UBN1: variants seen among roughly 807,000 people sequenced by gnomAD.
UBN1 encodes the protein ubinuclein 1, also known as ubinuclein-1.
Under a neutral mutation model 108.5 loss-of-function variants are expected in UBN1, and 17 were observed. That is an observed-to-expected ratio of 0.16 (90% CI 0.11 to 0.24). The LOEUF (loss-of-function observed/expected upper bound fraction) is 0.24, where lower values mean the gene tolerates loss of function less well. Among genes scored for constraint, UBN1 ranks in the 10% least tolerant of loss-of-function variants. UBN1 has a pLI of 1.00. For missense variants in UBN1, 1,595 were observed against 1,394.4 expected (o/e 1.14, Z -2.29); for synonymous variants, 726 against 564.2 (o/e 1.29, Z -4.07).
chr16:4,868,876 C>G lies in UBN1; in HGVS notation c.1154C>G (p.Thr385Ser), dbSNP rs147850419. 4.3e-6 allele frequency: 7 copies of G among 1,613,892 alleles called. No homozygotes were observed. The highest frequency in any genetic ancestry group is 1.7e-4 in the Middle Eastern group (1 of 6,052). ...AEGESRQKFF[T>S]QDINGILLDI... ...GGGGAGAGCAGACAGAAGTTCTTCA[C>G]CCAGGATATTAATGGAATCCTATTA... The change falls in exon 8 of 18, where the codon ACC becomes AGC. Residue 385 changes from threonine to serine, a missense_variant. By Grantham distance (58) the Thr-to-Ser change is moderately conservative. Around this residue, in one of 3 missense-constraint regions of UBN1, gnomAD observed 1,398 missense variants for 1,194.7 expected, o/e 1.17. Coordinates refer to ENST00000262376, the MANE Select transcript of UBN1 (RefSeq NM_001079514.3).
chr16:4,862,424 T>C (rs544086391), intron 7 of UBN1, among the ~76,000 whole-genome samples: 7 of 152,202 alleles, frequency 4.6e-5, no homozygotes, highest in Non-Finnish European at 7.4e-5. Context: ...AATTGTACCA[T>C]GTTGGGGTTT....
Position 4,877,179 on chromosome 16 carries a change from G to T in UBN1, c.3265+68G>T. ...GATTGTGGCCAGGGGTCCTGCTGTT[G>T]TGTACTCTGGTTCCTGTGTTTGAGT... On this transcript the variant is annotated intron_variant, in intron 16 of 17. Coordinates refer to ENST00000262376, the MANE Select transcript of UBN1 (RefSeq NM_001079514.3). The surrounding 1 kb of genome is among the most constrained non-coding windows in gnomAD (Gnocchi z 4.3). 6.5e-7 allele frequency: 1 copy of T among 1,537,280 alleles called. No homozygotes were observed. The highest frequency in any genetic ancestry group is 8.7e-7 in the Non-Finnish European group (1 of 1,146,398).
In UBN1 at chr16:4,873,070, G is replaced by A. The variant is rs1167865587; in HGVS notation, c.1797G>A (p.Val599=). 17 of 1,614,070 alleles carry A rather than the reference G, an allele frequency of 1.1e-5. No individual in the cohort carries two copies. Among genetic ancestry groups the A allele is most frequent in the Non-Finnish European group, 1.4e-5 (16 of 1,180,046 alleles). ...KKVMAPSKIK[V]KESSTKPDKK... is the part of the protein sequence containing the mutation. ...TTATGGCCCCTTCTAAAATCAAGGT[G>A]AAGGTGAGTCAGTTTGCTCGGGTCA... Residue 599 remains valine (V), a synonymous_variant, in exon 14 of 18, where the codon GTG becomes GTA. Transcript: ENST00000262376.
rs150222115 is a variant in UBN1 at position 4,875,274 on chromosome 16, G to A, written c.2864G>A (p.Gly955Glu). Residue 955 changes from glycine (G) to glutamate (E), a missense_variant, in exon 15 of 18, where the codon GGG becomes GAG. Transcript: ENST00000262376. ...ATSRPVPSSAGKKMPVSQKLT... is the reference protein window; with the variant it reads ...ATSRPVPSSAEKKMPVSQKLT... ...AGCCGACCCGTCCCAAGTTCAGCAGGGAAAAAAATGCCTGTTTCCCAGAAG... is the reference window on the plus strand; with the variant it reads ...AGCCGACCCGTCCCAAGTTCAGCAGAGAAAAAAATGCCTGTTTCCCAGAAG... The A allele has an allele frequency of 2.5e-6, 4 of 1,614,194 alleles. No individual in the cohort carries two copies. The East Asian group carries it at 6.7e-5, about 27-fold the overall frequency.
At chr16:4,855,648 G>A (rs2142136939) in intron 2 of UBN1, among the ~76,000 whole-genome samples, 1 of 150,862 alleles carries the variant, frequency 6.6e-6, no homozygotes, top group South Asian at 2.1e-4. Context: ...GCCTGGCGCA[G>A]TGACTCATGC....
At chr16:4,861,238 A>C (rs1395602) in intron 7 of UBN1, 136 bp downstream of exon 7, 483,663 of 976,392 alleles carry the variant, frequency 0.5, 123,017 homozygotes, top group African/African-American at 0.69. Context: ...TCCAAACCCT[A>C]TTCTCATCCT....
chr16:4,865,078 GTTAAC>G (rs1282383912), intron 7 of UBN1, among the ~76,000 whole-genome samples: 20 of 152,148 alleles, frequency 1.3e-4, no homozygotes, highest in African/African-American at 4.3e-4. Context: ...TCATTTACTA[GTTAAC>G]TTAGGATTGA....
chr16:4,849,648 G>C lies in UBN1; in HGVS notation c.-40+1438G>C, dbSNP rs576492437. ...CTCTTGTCGCCCAGGCTGGAGTGCA[G>C]TGGCAGGATCACGGCTCACTGCAGC... On this transcript the variant is annotated intron_variant, in intron 1 of 17. Transcript: ENST00000262376. Among the ~76,000 whole-genome samples, 8 of 151,758 alleles carry C rather than the reference G, an allele frequency of 5.3e-5. No homozygotes were observed. The South Asian group carries it at 1.7e-3, about 32-fold the overall frequency.
At chr16:4,849,951 A>AAAAAAAAAC (rs1166250619) in intron 1 of UBN1, among the ~76,000 whole-genome samples, 3 of 146,988 alleles carry the variant, frequency 2.0e-5, no homozygotes, top group Non-Finnish European at 4.5e-5. Flanking sequence ...CTGTCTCACA[A>AAAAAAAAAC]AAAAAAAAAA....
Position 4,877,371 on chromosome 16 carries a change from C to G in UBN1, c.3266-14C>G, listed in dbSNP as rs753729860. The stretch of plus-strand genomic sequence containing the variant: ...GTGTGTTTTGTTCTTTTCTCCCCTC[C>G]TGTTTTCTCTCAGGTCTTCTGGCTG... On this transcript the variant is annotated splice_polypyrimidine_tract_variant and intron_variant, in intron 16 of 17. Coordinates refer to ENST00000262376, the MANE Select transcript of UBN1 (RefSeq NM_001079514.3). The surrounding 1 kb of genome is among the most constrained non-coding windows in gnomAD (Gnocchi z 4.3). 7.5e-6 allele frequency: 12 copies of G among 1,606,212 alleles called. No homozygotes were observed. Among genetic ancestry groups the G allele is most frequent in the Admixed American group, 5.1e-5 (3 of 58,770 alleles).
intron 13 of UBN1, 22 bp from the exon 14 acceptor site, chr16:4,873,009 C>G: frequency 1.2e-6 from 2 of 1,614,210 alleles, no homozygotes; most frequent in Non-Finnish European, 1.7e-6. Flanking sequence ...CTAAACTTTT[C>G]TGTGCTCATT....
rs779059450 is a variant in UBN1, at chr16:4,874,592, C to A, written c.2182C>A (p.Pro728Thr). 4.3e-6 allele frequency: 7 copies of A among 1,614,112 alleles called. No individual in the cohort carries two copies. The highest frequency in any genetic ancestry group is 5.9e-6 in the Non-Finnish European group (7 of 1,180,046). Residue 728 changes from proline (P) to threonine (T), a missense_variant, in exon 15 of 18, where the codon CCA (proline) becomes ACA (threonine). This residue lies in a region of UBN1 where 1,398 missense variants were observed against 1,194.7 expected (regional missense o/e 1.17). Transcript: ENST00000262376. ...FAKPSPSAPP[P>T]ASSLQSPLNF... ...GAAGCCTAGTCCTTCTGCTCCACCA[C>A]CAGCTAGCTCTCTGCAGTCACCCCT...
At chr16:4,871,981 G>T (rs893378316) in intron 12 of UBN1, among the ~76,000 whole-genome samples, 4 of 152,194 alleles carry the variant, frequency 2.6e-5, no homozygotes, top group Non-Finnish European at 4.4e-5. Flanking sequence ...GTCATTTGCA[G>T]GTAGCAGGGC....
intron 10 of UBN1, 101 bp downstream of exon 10, chr16:4,870,735 C>G: frequency 6.3e-7 from 1 of 1,585,372 alleles, no homozygotes; most frequent in South Asian, 1.2e-5. Context: ...CCTCTTGGCT[C>G]TTCTTTGGCC....
intron 1 of UBN1, among the ~76,000 whole-genome samples, chr16:4,850,454 A>G (rs550405836): frequency 1.3e-5 from 2 of 152,330 alleles, no homozygotes; most frequent in South Asian, 4.1e-4. Context: ...TTCCCTTCTT[A>G]TAGTGAGACT....
At chr16:4,857,915 A>T in intron 2 of UBN1, 75 bp from the exon 3 acceptor site, 2 of 1,076,078 alleles carry the variant, frequency 1.9e-6, no homozygotes, top group Non-Finnish European at 2.8e-6. Flanking sequence ...GGTATTGAGT[A>T]ATCAGTGAAG....
In UBN1 at chr16:4,875,421, C is replaced by G; in HGVS notation, c.3011C>G (p.Ser1004Cys). The G allele has an allele frequency of 6.2e-7, 1 of 1,610,334 alleles. No homozygotes were observed. The highest frequency in any genetic ancestry group is 1.1e-5 in the South Asian group (1 of 90,952). ...KPSAVSSVTS[S>C]TSLSKGASGT... ...TCTGCAGTTAGTAGTGTGACATCGT[C>G]TACCTCCTTGTCAGTGAGTATCTGT... Residue 1004 changes from serine to cysteine, a missense_variant, in exon 15 of 18, where the codon TCT becomes TGT. By Grantham distance (112) the Ser-to-Cys change is moderately radical. Around this residue, in one of 3 missense-constraint regions of UBN1, gnomAD observed 1,398 missense variants for 1,194.7 expected, o/e 1.17. Transcript: ENST00000262376.
At position 4,874,989 on chromosome 16, in the gene UBN1, C is replaced by G. The variant is rs375967356; in HGVS notation, c.2579C>G (p.Ala860Gly). The G allele has an allele frequency of 6.8e-6, 11 of 1,613,996 alleles. No homozygotes were observed. The African/African-American group carries it at 9.3e-5, about 14-fold the overall frequency. Residue 860 changes from alanine (A) to glycine (G), a missense_variant, in exon 15 of 18, where the codon GCC (alanine) becomes GGC (glycine). Transcript: ENST00000262376. ...CAGGGCTTCCATCCCTCTGCACCAG[C>G]CACCTCAGGAGGCCTGTCAGCCTCC... ...KGQGFHPSAP[A>G]TSGGLSASSS...
intron 3 of UBN1, among the ~76,000 whole-genome samples, chr16:4,858,333 G>A (rs565223857): frequency 6.6e-6 from 1 of 152,316 alleles, no homozygotes; most frequent in East Asian, 1.9e-4. Context: ...TTGGTACAAA[G>A]CATAAGAAGC....
Sources: allele counts gnomAD v4.1 joint callset (sites outside exome capture counted in the v4.1 genomes callset), GRCh38; gene constraint gnomAD v4.1.1; regional missense constraint gnomAD v4.1.1; non-coding constraint Gnocchi (gnomAD v3.1); transcripts MANE v1.5; gene names NCBI Gene and HGNC (gene_info 2026-07-23, HGNC 2026-07-21).